The following G3BP2 variants were observed in gnomAD, a reference collection of about 807,000 sequenced individuals.
The protein encoded by G3BP2 is ras GTPase-activating protein-binding protein 2.
In G3BP2, 11 loss-of-function variants were observed where a neutral mutation model predicts 56.7. That is an observed-to-expected ratio of 0.19 (90% CI 0.12 to 0.32). The LOEUF is 0.32. Among genes scored for constraint, G3BP2 ranks in the 10% least tolerant of loss-of-function variants. The pLI is 1.00. For missense variants in G3BP2, 340 were observed against 610.9 expected (o/e 0.56, Z 4.67); for synonymous variants, 165 against 191.6 (o/e 0.86, Z 1.15).
At chr4:75,681,350 T>G (rs1734067466) in intron 3 of G3BP2, among the ~76,000 whole-genome samples, 1 of 132,014 alleles carries the variant, frequency 7.6e-6, no homozygotes, top group Admixed American at 7.7e-5. Flanking sequence ...ATAAATATAG[T>G]CAAATTCAGA....
chr4:75,655,652 T>C, intron 6 of G3BP2, 116 bp downstream of exon 6: 2 of 645,942 alleles, frequency 3.1e-6, no homozygotes, highest in Non-Finnish European at 5.6e-6. Context: ...GGTACTCAAA[T>C]ACTGACATAA....
chr4:75,665,679 AC>A (rs1732984335), intron 1 of G3BP2, among the ~76,000 whole-genome samples: 1 of 151,498 alleles, frequency 6.6e-6, no homozygotes, highest in Non-Finnish European at 1.5e-5. Flanking sequence ...ACACACACAC[AC>A]ACACAGCTAA....
rs6148524 is a variant in G3BP2, at chr4:75,643,295, TTATATATATA to T, written c.*2125_*2134del. The T allele has an allele frequency of 1.4e-4, 14 of 99,942 alleles. No homozygotes were observed. Among genetic ancestry groups the T allele is most frequent in the Non-Finnish European group, 1.9e-4 (9 of 46,322 alleles). 6.2% of individuals were successfully genotyped at this position (99,942 alleles called of 1,614,324 possible). ...GCAGGGCAATATCCTGAATTGGAAATTATATATATATATATATATATGGAAACAGAAATAC... is the reference window on the plus strand; with the variant it reads ...GCAGGGCAATATCCTGAATTGGAAATTATATATATATGGAAACAGAAATAC... On this transcript the variant is annotated 3_prime_UTR_variant, in exon 12 of 12. Coordinates refer to ENST00000359707, the MANE Select transcript of G3BP2 (RefSeq NM_203505.3).
chr4:75,646,535 A>G, intron 10 of G3BP2, 79 bp from the exon 11 acceptor site: 1 of 863,964 alleles, frequency 1.2e-6, no homozygotes, highest in East Asian at 2.5e-5. Flanking sequence ...CAGGATGAAT[A>G]TCGTTATCTC....
At chr4:75,666,592 C>T (rs1403723824) in intron 1 of G3BP2, among the ~76,000 whole-genome samples, 3 of 152,092 alleles carry the variant, frequency 2.0e-5, no homozygotes, top group Non-Finnish European at 2.9e-5. Context: ...AACCATCAAA[C>T]AACGTGGTTT....
chr4:75,642,976 G>A lies in G3BP2; in HGVS notation c.*2454C>T, dbSNP rs542709357. Reference sequence around the variant, plus strand: ...AAAGCCAAGATGGTAAAGCCAATTTGGTTGCAATAGTGTCATAAGGATAGA... The same window carrying A: ...AAAGCCAAGATGGTAAAGCCAATTTAGTTGCAATAGTGTCATAAGGATAGA... On this transcript the variant is annotated 3_prime_UTR_variant, in exon 12 of 12. Coordinates refer to ENST00000359707, the MANE Select transcript of G3BP2 (RefSeq NM_203505.3). 2 of 152,540 alleles carry A rather than the reference G, an allele frequency of 1.3e-5. No homozygotes were observed. Among genetic ancestry groups the A allele is most frequent in the South Asian group, 4.2e-4 (2 of 4,818 alleles). 9.4% of individuals were successfully genotyped at this position (152,540 alleles called of 1,614,324 possible). A position where few individuals can be genotyped will look rare whatever the true frequency, so the allele number is the denominator to read the frequency against.
rs897146974 is a variant in G3BP2, at chr4:75,721,223, G to A, written c.-117-254C>T. Among the ~76,000 whole-genome samples, 17 of 151,354 alleles carry A rather than the reference G, an allele frequency of 1.1e-4. 1 individual carries two copies. Among genetic ancestry groups the A allele is most frequent in the Admixed American group, 9.9e-4 (15 of 15,178 alleles). ...CCCAAAGTGCTGGGATTACAGGCGT[G>A]AGCCACCTCGCCCAGCCTCAACTAG... On this transcript the variant is annotated intron_variant, in intron 2 of 3. Coordinates refer to the G3BP2 transcript ENST00000499709.
At chr4:75,721,780 A>G (rs1720188630) in intron 2 of G3BP2, among the ~76,000 whole-genome samples, 1 of 152,188 alleles carries the variant, frequency 6.6e-6, no homozygotes, top group African/African-American at 2.4e-5. Context: ...GGGCCACTGA[A>G]AAAAGCAATT....
chr4:75,645,294 A>G lies in G3BP2; in HGVS notation c.*136T>C, dbSNP rs1453364960. On this transcript the variant is annotated 3_prime_UTR_variant, in exon 12 of 12. Transcript: ENST00000359707. The stretch of plus-strand genomic sequence containing the variant: ...AATAATGTCCACCTCAATTTAACTG[A>G]TAACCAAAGATGCTTTTCACATCAA... The G allele has an allele frequency of 1.4e-6, 1 of 733,948 alleles. No individual in the cohort carries two copies. Among genetic ancestry groups the G allele is most frequent in the African/African-American group, 1.8e-5 (1 of 56,528 alleles). The allele number at this position is 733,948 out of a possible 1,614,324, so 45.5% of individuals were successfully genotyped here. A position where few individuals can be genotyped will look rare whatever the true frequency, so the allele number is the denominator to read the frequency against.
At chr4:75,672,220 G>A (rs537772232) in intron 1 of G3BP2, among the ~76,000 whole-genome samples, 1 of 152,104 alleles carries the variant, frequency 6.6e-6, no homozygotes, top group East Asian at 1.9e-4. Flanking sequence ...AAATCCGTTA[G>A]AACATTAAGT....
rs1733088170 is a variant in G3BP2, at chr4:75,666,961, G to A, written c.-24-4912C>T. Reference sequence around the variant, plus strand: ...TTTACAAATTGAGAAGAAATCCCCGGTCAAGCCTACAAGACTATACAGTTC... The same window carrying A: ...TTTACAAATTGAGAAGAAATCCCCGATCAAGCCTACAAGACTATACAGTTC... On this transcript the variant is annotated intron_variant, in intron 1 of 11. Transcript: ENST00000359707. Among the ~76,000 whole-genome samples, 10 of 152,162 alleles carry A rather than the reference G, an allele frequency of 6.6e-5. No individual in the cohort carries two copies. The South Asian group carries it at 2.1e-3, about 32-fold the overall frequency.
intron 3 of G3BP2, among the ~76,000 whole-genome samples, chr4:75,712,867 T>C (rs1229109189): frequency 1.3e-5 from 2 of 152,174 alleles, no homozygotes; most frequent in South Asian, 2.1e-4. Context: ...CTTAGTTATA[T>C]AGCTGAAGGG....
chr4:75,662,267 G>A (rs1280504520), intron 1 of G3BP2: 2 of 326,040 alleles, frequency 6.1e-6, no homozygotes, highest in Non-Finnish European at 1.1e-5. Flanking sequence ...TCCTTGCCCA[G>A]GCTGGAGTGC....
chr4:75,657,572 A>G lies in G3BP2; in HGVS notation c.336T>C (p.Phe112=). ...AGAAACTTACTTCAGGAGCCAGAACAAAGGTTTGCATAAACTTTCTTTCTG... is the reference window on the plus strand; with the variant it reads ...AGAAACTTACTTCAGGAGCCAGAACGAAGGTTTGCATAAACTTTCTTTCTG... ...GQPERKFMQT[F]VLAPEGSVPN... Residue 112 remains phenylalanine, a synonymous_variant, in exon 4 of 12, where the codon TTT becomes TTC. Transcript: ENST00000359707. 6.2e-7 allele frequency: 1 copy of G among 1,608,642 alleles called. No homozygotes were observed. Among genetic ancestry groups the G allele is most frequent in the South Asian group, 1.1e-5 (1 of 89,906 alleles).
rs553370539 is a variant in G3BP2 at position 75,682,201 on chromosome 4, G to C, written c.-24-20152C>G. 2.6e-5 allele frequency among the ~76,000 whole-genome samples: 4 copies of C among 152,196 alleles called. No individual in the cohort carries two copies. The South Asian group carries it at 6.2e-4, about 24-fold the overall frequency. ...GGAGGCCGAGGCAGGCGGATCACGA[G>C]GTCAAGAGCTCGAGACTATCCTAGC... On this transcript the variant is annotated intron_variant, in intron 3 of 3. Coordinates refer to the G3BP2 transcript ENST00000499709.
intron 3 of G3BP2, chr4:75,694,855 A>G: frequency 1.0e-6 from 1 of 985,558 alleles, no homozygotes; most frequent in African/African-American, 1.7e-5. Context: ...AAAGACTGCG[A>G]CATCACATCC....
intron 3 of G3BP2, among the ~76,000 whole-genome samples, chr4:75,680,394 C>T (rs1436078882): frequency 1.3e-5 from 2 of 152,212 alleles, no homozygotes; most frequent in African/African-American, 4.8e-5. Context: ...TTCTGTGACA[C>T]TAGTCAGGTT....
At chr4:75,666,508 T>C (rs1427384543) in intron 1 of G3BP2, among the ~76,000 whole-genome samples, 1 of 152,210 alleles carries the variant, frequency 6.6e-6, no homozygotes, top group Non-Finnish European at 1.5e-5. Flanking sequence ...ATAACTCCGA[T>C]TTGAAGTGAC....
chr4:75,674,412 A>G (rs958215020), upstream of G3BP2, among the ~76,000 whole-genome samples: 6 of 152,144 alleles, frequency 3.9e-5, no homozygotes, highest in African/African-American at 9.7e-5. Flanking sequence ...TTAAGACAAT[A>G]CGTCAAATAC....
Sources: gnomAD v4.1 joint callset for allele counts (sites outside exome capture counted in the v4.1 genomes callset) on GRCh38, gnomAD v4.1.1 for gene constraint, MANE v1.5 for transcripts, NCBI Gene and HGNC (gene_info 2026-07-23, HGNC 2026-07-21) for gene names.